The following MBNL2 variants were observed in gnomAD, a reference collection of about 807,000 sequenced individuals.
The protein encoded by MBNL2 is muscleblind like splicing regulator 2.
In MBNL2, 17 loss-of-function variants were observed where a neutral mutation model predicts 41.9. That is an observed-to-expected ratio of 0.41 (90% CI 0.28 to 0.61). MBNL2 has a LOEUF of 0.61. Ranked by LOEUF, MBNL2 falls within the 20% of genes least tolerant of loss-of-function variation. The pLI is 0.35. For missense variants in MBNL2, 336 were observed against 505.6 expected (o/e 0.66, Z 3.22); for synonymous variants, 195 against 182.9 (o/e 1.07, Z -0.53).
chr13:97,284,286 G>A (rs1228720622), intron 2 of MBNL2, among the ~76,000 whole-genome samples: 1 of 152,164 alleles, frequency 6.6e-6, no homozygotes, highest in Non-Finnish European at 1.5e-5. Flanking sequence ...CCTGGGGTTG[G>A]GGAAGTTGGG....
the MBNL2 span, among the ~76,000 whole-genome samples, chr13:97,185,187 C>T: frequency 1.3e-5 from 2 of 152,194 alleles, no homozygotes; most frequent in East Asian, 1.9e-4. Flanking sequence ...TCCTGAATTA[C>T]TCTAAGAAGA....
In MBNL2 at chr13:97,279,169, T is replaced by C. The variant is rs1188231691; in HGVS notation, c.174+2760T>C. Among the ~76,000 whole-genome samples, 23 of 152,202 alleles carry C rather than the reference T, an allele frequency of 1.5e-4. 1 individual carries two copies. The highest frequency in any genetic ancestry group is 1.5e-3 in the Admixed American group (23 of 15,276). On this transcript the variant is annotated intron_variant, in intron 2 of 8. Transcript: ENST00000679496. ...TTCATAATAGATTTTAAAAAGACAA[T>C]GTTGCTCAGTGTGCAACAGAGAGAA...
chr13:97,165,783 A>G, the MBNL2 span, among the ~76,000 whole-genome samples: 1 of 152,198 alleles, frequency 6.6e-6, no homozygotes, highest in Admixed American at 6.5e-5. Context: ...TGCTTATTGA[A>G]AAGAGGTGTA....
At chr13:97,387,871 G>T (rs971117972) in intron 8 of MBNL2, among the ~76,000 whole-genome samples, 11 of 152,096 alleles carry the variant, frequency 7.2e-5, no homozygotes, top group African/African-American at 2.7e-4. Context: ...AAAAACAAGG[G>T]TGCTTCAGAG....
At chr13:97,180,656 C>T in the MBNL2 span, among the ~76,000 whole-genome samples, 2 of 148,898 alleles carry the variant, frequency 1.3e-5, no homozygotes, top group Non-Finnish European at 3.0e-5. Context: ...GCAGGAGAAT[C>T]GCTTGAACCT....
the MBNL2 span, among the ~76,000 whole-genome samples, chr13:97,152,722 A>G: frequency 6.6e-6 from 1 of 152,216 alleles, no homozygotes; most frequent in East Asian, 1.9e-4. Context: ...AGACATTGTC[A>G]GACATTCAAG....
intron 7 of MBNL2, among the ~76,000 whole-genome samples, chr13:97,360,614 T>A (rs2063319400): frequency 6.6e-6 from 1 of 152,234 alleles, no homozygotes; most frequent in Non-Finnish European, 1.5e-5. Context: ...ATGTTGCAGT[T>A]CTGTTAGTGG....
At chr13:97,234,644 C>G (rs531343020) in intron 1 of MBNL2, among the ~76,000 whole-genome samples, 54 of 152,350 alleles carry the variant, frequency 3.5e-4, no homozygotes, top group African/African-American at 1.3e-3. Context: ...GTGCGGGACA[C>G]TGGCTTGCAA....
chr13:97,263,156 T>C (rs750898350), intron 1 of MBNL2, among the ~76,000 whole-genome samples: 10 of 152,184 alleles, frequency 6.6e-5, no homozygotes, highest in Non-Finnish European at 1.3e-4. Flanking sequence ...AATTTGCTTC[T>C]AATGAATTGA....
intron 1 of MBNL2, among the ~76,000 whole-genome samples, chr13:97,228,749 C>T (rs140974158): frequency 2.1e-3 from 317 of 151,946 alleles, no homozygotes; most frequent in African/African-American, 7.1e-3. Context: ...AGGGTAGTCT[C>T]GAACTCCTGA....
chr13:97,259,445 G>A lies in MBNL2; in HGVS notation c.-604-16187G>A, dbSNP rs553484783. The stretch of plus-strand genomic sequence containing the variant: ...GCGCTGAGTGCTACAGGCAGAACCT[G>A]CCACCTTTTCACCCTCCCTGAATCC... On this transcript the variant is annotated intron_variant, in intron 1 of 8. Transcript: ENST00000679496. Among the ~76,000 whole-genome samples, 125 of 152,284 alleles carry A rather than the reference G, an allele frequency of 8.2e-4. 1 individual carries two copies. Among genetic ancestry groups the A allele is most frequent in the African/African-American group, 3.0e-3 (123 of 41,546 alleles).
At chr13:97,259,086 T>C (rs575910226) in intron 1 of MBNL2, among the ~76,000 whole-genome samples, 1 of 152,274 alleles carries the variant, frequency 6.6e-6, no homozygotes, top group South Asian at 2.1e-4. Flanking sequence ...GAGAATCATG[T>C]TCACATCTTC....
At chr13:97,357,761 G>T in intron 7 of MBNL2, 126 bp downstream of exon 7, 1 of 921,062 alleles carries the variant, frequency 1.1e-6, no homozygotes, top group Non-Finnish European at 1.8e-6. Context: ...ATTCATCGTT[G>T]TCCTAGCTAT....
intron 2 of MBNL2, among the ~76,000 whole-genome samples, chr13:97,287,829 G>GATTCTCCTGCGTTCAAGCA (rs372434586): frequency 0.089 from 13,087 of 146,498 alleles, 612 homozygotes; most frequent in South Asian, 0.14. Context: ...GGGTTCAAGT[G>GATTCTCCTGCGTTCAAGCA]ATTCTCCTGC....
At chr13:97,154,599 C>G in the MBNL2 span, among the ~76,000 whole-genome samples, 1 of 151,928 alleles carries the variant, frequency 6.6e-6, no homozygotes, top group Non-Finnish European at 1.5e-5. Flanking sequence ...TACAGGCTAC[C>G]CAGCTGATTT....
At chr13:97,320,542 C>G (rs193159678) in intron 2 of MBNL2, among the ~76,000 whole-genome samples, 47 of 152,140 alleles carry the variant, frequency 3.1e-4, no homozygotes, top group Non-Finnish European at 5.9e-4. Flanking sequence ...AGGCGTGAGC[C>G]ACTGCTCCCA....
At chr13:97,270,577 A>G (rs1486763592) in intron 1 of MBNL2, among the ~76,000 whole-genome samples, 1 of 152,234 alleles carries the variant, frequency 6.6e-6, no homozygotes, top group Admixed American at 6.5e-5. Flanking sequence ...ATTTAAATTC[A>G]TTAAGAATAA....
chr13:97,329,026 G>A (rs2060148668), intron 2 of MBNL2, among the ~76,000 whole-genome samples: 1 of 152,146 alleles, frequency 6.6e-6, no homozygotes, highest in African/African-American at 2.4e-5. Context: ...TAATGGCTAT[G>A]TAATTCCAAT....
intron 1 of MBNL2, among the ~76,000 whole-genome samples, chr13:97,223,853 C>T (rs2041176125): frequency 6.6e-6 from 1 of 152,228 alleles, no homozygotes; most frequent in African/African-American, 2.4e-5. Context: ...GTGCAGGACA[C>T]TAGCCCAGAA....
Sources: gnomAD v4.1 joint callset for allele counts (sites outside exome capture counted in the v4.1 genomes callset) on GRCh38, gnomAD v4.1.1 for gene constraint, MANE v1.5 for transcripts, NCBI Gene and HGNC (gene_info 2026-07-23, HGNC 2026-07-21) for gene names.